The following ZPBP variants were observed in gnomAD, a reference collection of about 807,000 sequenced individuals.
The protein encoded by ZPBP is zona pellucida-binding protein 1.
Under a neutral mutation model 44.8 loss-of-function variants are expected in ZPBP, and 26 were observed. The observed-to-expected ratio is 0.58, with a 90% CI of 0.43 to 0.81. The LOEUF (loss-of-function observed/expected upper bound fraction) is 0.81. Ranked by LOEUF, ZPBP falls within the 30% of genes least tolerant of loss-of-function variation. The pLI is 0.00. For missense variants in ZPBP, 409 were observed against 434.0 expected (o/e 0.94, Z 0.51); for synonymous variants, 174 against 153.2 (o/e 1.14, Z -1.00).
chr7:49,940,999 C>T (rs547382632), intron 7 of ZPBP, among the ~76,000 whole-genome samples: 131 of 151,976 alleles, frequency 8.6e-4, no homozygotes, highest in Non-Finnish European at 1.5e-3. Flanking sequence ...GCCATGTATA[C>T]AGAGGATTCA....
chr7:50,002,334 G>A (rs896585008), intron 6 of ZPBP, among the ~76,000 whole-genome samples: 2 of 152,100 alleles, frequency 1.3e-5, no homozygotes, highest in Non-Finnish European at 2.9e-5. Context: ...TCTCCACCTG[G>A]CCCTGCCCTT....
intron 2 of ZPBP, among the ~76,000 whole-genome samples, chr7:49,852,606 G>A (rs895870806): frequency 4.0e-5 from 6 of 151,820 alleles, no homozygotes; most frequent in African/African-American, 1.5e-4. Context: ...GAGAAGTGAT[G>A]TTTGTGAGGA....
chr7:49,886,469 A>T (rs1387736665), intron 2 of ZPBP, among the ~76,000 whole-genome samples: 1 of 152,098 alleles, frequency 6.6e-6, no homozygotes, highest in Non-Finnish European at 1.5e-5. Flanking sequence ...TAACTATTTC[A>T]TTGGTATGCT....
intron 2 of ZPBP, among the ~76,000 whole-genome samples, chr7:49,900,006 G>T (rs186801501): frequency 6.6e-6 from 1 of 151,890 alleles, no homozygotes; most frequent in Admixed American, 6.6e-5. Flanking sequence ...TTAGATATCA[G>T]TAATAGAAAG....
At chr7:49,870,151 A>G (rs746953586) in intron 2 of ZPBP, among the ~76,000 whole-genome samples, 6 of 152,230 alleles carry the variant, frequency 3.9e-5, no homozygotes, top group Non-Finnish European at 7.3e-5. Flanking sequence ...CTGTAATCCC[A>G]GCACTTTGGG....
At chr7:50,060,539 TG>T (rs1801191065) in intron 3 of ZPBP, among the ~76,000 whole-genome samples, 2 of 152,148 alleles carry the variant, frequency 1.3e-5, no homozygotes, top group African/African-American at 4.8e-5. Context: ...AATATGTCCA[TG>T]CCCATTAACT....
intron 6 of ZPBP, among the ~76,000 whole-genome samples, chr7:49,998,746 A>C (rs1243182577): frequency 3.3e-5 from 5 of 152,156 alleles, no homozygotes; most frequent in Admixed American, 1.3e-4. Flanking sequence ...TAGTAAGACT[A>C]GAGAGCCAAT....
intron 4 of ZPBP, among the ~76,000 whole-genome samples, chr7:50,036,186 C>T (rs1799817377): frequency 6.6e-6 from 1 of 152,186 alleles, no homozygotes; most frequent in Non-Finnish European, 1.5e-5. Context: ...CAGAGTCTTG[C>T]CCTGTTGCCC....
At chr7:49,868,973 T>C (rs1394734625) in intron 2 of ZPBP, among the ~76,000 whole-genome samples, 1 of 152,230 alleles carries the variant, frequency 6.6e-6, no homozygotes, top group Admixed American at 6.5e-5. Flanking sequence ...GTCAAATATA[T>C]GTACAATTTT....
At chr7:50,069,559 G>A (rs1024090834) in intron 3 of ZPBP, among the ~76,000 whole-genome samples, 19 of 152,106 alleles carry the variant, frequency 1.2e-4, no homozygotes, top group African/African-American at 2.2e-4. Context: ...TAGTGCCTTC[G>A]GCCAGCCATC....
At chr7:49,909,272 G>A (rs1190711387) in intron 1 of ZPBP, among the ~76,000 whole-genome samples, 1 of 152,114 alleles carries the variant, frequency 6.6e-6, no homozygotes. Flanking sequence ...AGATATTAGG[G>A]TGAAATAAAA....
intron 4 of ZPBP, among the ~76,000 whole-genome samples, 172 bp downstream of exon 4, chr7:50,057,817 T>C (rs542934492): frequency 2.0e-5 from 3 of 152,236 alleles, no homozygotes; most frequent in Non-Finnish European, 4.4e-5. Context: ...TTAACCATTC[T>C]GTGCCCTCAC....
chr7:49,953,691 C>T (rs549269250), intron 7 of ZPBP, among the ~76,000 whole-genome samples: 2 of 152,166 alleles, frequency 1.3e-5, no homozygotes, highest in East Asian at 1.9e-4. Flanking sequence ...ACAAAGATTA[C>T]TGTGCAGTAA....
intron 1 of ZPBP, among the ~76,000 whole-genome samples, chr7:49,905,314 A>G (rs2128738926): frequency 6.6e-6 from 1 of 152,314 alleles, no homozygotes; most frequent in East Asian, 1.9e-4. Context: ...TCACTCAGCC[A>G]TCTCCACCAC....
rs77804221 is a variant in ZPBP at position 50,085,125 on chromosome 7, G to C, written c.209-3226C>G. Among the ~76,000 whole-genome samples, 114 of 152,162 alleles carry C rather than the reference G, an allele frequency of 7.5e-4. 1 individual carries two copies. Among genetic ancestry groups the C allele is most frequent in the African/African-American group, 2.6e-3 (108 of 41,530 alleles). On this transcript the variant is annotated intron_variant, in intron 2 of 7. Transcript: ENST00000046087. ...GGCTGAGTACAAATCCAATATGACT[G>C]ATCTCCTTATAAAAAGGGGAAATTT...
At chr7:49,916,480 C>T (rs1450164565) in intron 1 of ZPBP, 5 of 152,178 alleles carry the variant, frequency 3.3e-5, no homozygotes, top group Non-Finnish European at 7.3e-5. Flanking sequence ...AATTGTCACT[C>T]TATGTCCCAG....
chr7:49,877,481 A>AAAAAAATATACATATATATAT lies in ZPBP; in HGVS notation n.509+23636_509+23637insATATATATATGTATATTTTTT. 3.6e-3 allele frequency among the ~76,000 whole-genome samples: 46 copies of AAAAAAATATACATATATATAT among 12,722 alleles called. 10 individuals carry two copies. Among genetic ancestry groups the AAAAAAATATACATATATATAT allele is most frequent in the African/African-American group, 9.4e-3 (34 of 3,598 alleles). 8.3% of individuals were successfully genotyped at this position (12,722 alleles called of 152,430 possible). ...CTGTCTCAAAAAAAAAAAAAAAAAA[A>AAAAAAATATACATATATATAT]ATATATATATATATATATATATATA... On this transcript the variant is annotated intron_variant and non_coding_transcript_variant, in intron 2 of 2. Transcript: ENST00000465922.
intron 3 of ZPBP, among the ~76,000 whole-genome samples, chr7:50,069,480 C>A (rs1801720477): frequency 6.6e-6 from 1 of 152,178 alleles, no homozygotes; most frequent in Non-Finnish European, 1.5e-5. Flanking sequence ...AATACAAAGA[C>A]TAGGTCTGAA....
intron 1 of ZPBP, among the ~76,000 whole-genome samples, chr7:49,907,356 A>G (rs888296740): frequency 6.6e-6 from 1 of 152,204 alleles, no homozygotes; most frequent in African/African-American, 2.4e-5. Flanking sequence ...AGAAGAGATA[A>G]GTGACTTTTG....
Sources: gnomAD v4.1 joint callset for allele counts (sites outside exome capture counted in the v4.1 genomes callset) on GRCh38, gnomAD v4.1.1 for gene constraint, MANE v1.5 for transcripts, NCBI Gene and HGNC (gene_info 2026-07-23, HGNC 2026-07-21) for gene names.